SHROOM3: variants seen among roughly 807,000 people sequenced by gnomAD.
SHROOM3 encodes shroom family member 3, also known as protein Shroom3.
A neutral mutation model predicts 138.6 loss-of-function variants in SHROOM3; 47 were observed. The ratio of observed to expected loss-of-function variants is 0.34; its 90% CI spans 0.27 to 0.43. SHROOM3 has a LOEUF of 0.43. Among genes scored for constraint, SHROOM3 ranks in the 20% least tolerant of loss-of-function variants. The pLI, the probability that SHROOM3 is intolerant of heterozygous loss-of-function variation, is 1.00. For missense variants in SHROOM3, 2,491 were observed against 2,596.5 expected (o/e 0.96, Z 0.88); for synonymous variants, 1,062 against 1,063.3 (o/e 1.00, Z 0.02).
intron 2 of SHROOM3, among the ~76,000 whole-genome samples, chr4:76,595,420 C>T (rs1734359884): frequency 6.6e-6 from 1 of 152,110 alleles, no homozygotes; most frequent in African/African-American, 2.4e-5. Flanking sequence ...ATTCTGCCAC[C>T]CTTAGCATGA....
chr4:76,770,857 G>C lies in SHROOM3; in HGVS notation c.5581G>C (p.Val1861Leu). The C allele has an allele frequency of 6.2e-7, 1 of 1,614,254 alleles. No homozygotes were observed. The change falls in exon 10 of 11, where the codon GTC becomes CTC. Residue 1861 changes from valine (V) to leucine (L), a missense_variant. Val to Leu is a conservative substitution (Grantham distance 32). Coordinates refer to ENST00000296043, the MANE Select transcript of SHROOM3 (RefSeq NM_020859.4). Reference sequence around the variant, plus strand: ...GGGGCGTCTAGCCCGTGTTGAGAATGTCCTTAGCGGCCTTGGTGAAGATGC... The same window carrying C: ...GGGGCGTCTAGCCCGTGTTGAGAATCTCCTTAGCGGCCTTGGTGAAGATGC... ...LSGRLARVENVLSGLGEDASN... is the reference protein window; with the variant it reads ...LSGRLARVENLLSGLGEDASN...
intron 2 of SHROOM3, chr4:76,644,484 C>G (rs1227554918): frequency 6.6e-6 from 1 of 151,610 alleles, no homozygotes; most frequent in African/African-American, 2.4e-5. Flanking sequence ...CTCCTGACCT[C>G]AGGTGATCCG....
chr4:76,739,350 G>C lies in SHROOM3; in HGVS notation c.1177G>C (p.Ala393Pro), dbSNP rs200056000. 2 of 1,614,066 alleles carry C rather than the reference G, an allele frequency of 1.2e-6. No individual in the cohort carries two copies. The highest frequency in any genetic ancestry group is 2.2e-5 in the South Asian group (2 of 91,084). Residue 393 changes from alanine to proline, a missense_variant, in exon 5 of 11, where the codon GCA becomes CCA. Ala to Pro is a conservative substitution (Grantham distance 27, BLOSUM62 -1). Coordinates refer to ENST00000296043, the MANE Select transcript of SHROOM3 (RefSeq NM_020859.4). ...PLPPARSDSYAAFRHRERPSS... is the reference protein window; with the variant it reads ...PLPPARSDSYPAFRHRERPSS... Reference sequence around the variant, plus strand: ...GCCTCCAGCTCGGAGTGACAGTTACGCAGCATTTCGGCACCGTGAGCGGCC... The same window carrying C: ...GCCTCCAGCTCGGAGTGACAGTTACCCAGCATTTCGGCACCGTGAGCGGCC...
rs114002543 is a variant in SHROOM3, at chr4:76,732,790, G to A, written c.587+1855G>A. Among the ~76,000 whole-genome samples the A allele has an allele frequency of 2.5e-3, 378 of 152,260 alleles. 2 individuals are homozygous for A. Among genetic ancestry groups the A allele is most frequent in the African/African-American group, 8.6e-3 (356 of 41,544 alleles). On this transcript the variant is annotated intron_variant, in intron 4 of 10. Coordinates refer to ENST00000296043, the MANE Select transcript of SHROOM3 (RefSeq NM_020859.4). ...GGTTTAAATCTCCCCTTACCCCTAC[G>A]GTGTAAGCTTGAGCAAATCATTTAA...
At chr4:76,554,281 T>A (rs1246999641) in intron 1 of SHROOM3, among the ~76,000 whole-genome samples, 2 of 152,248 alleles carry the variant, frequency 1.3e-5, no homozygotes, top group Non-Finnish European at 2.9e-5. Context: ...GTTTCATGGT[T>A]TGATAGCTCA....
chr4:76,732,266 G>A (rs766047852), intron 4 of SHROOM3, among the ~76,000 whole-genome samples: 3 of 152,216 alleles, frequency 2.0e-5, no homozygotes, highest in Non-Finnish European at 4.4e-5. Context: ...GTGCATGTGT[G>A]TTGGGGGGAG....
chr4:76,714,985 G>A (rs934780988), intron 3 of SHROOM3, among the ~76,000 whole-genome samples: 1 of 152,174 alleles, frequency 6.6e-6, no homozygotes, highest in Admixed American at 6.5e-5. Context: ...AGGTAGTGAT[G>A]CCTTGTCCTT....
Position 76,741,997 on chromosome 4 carries a change from A to G in SHROOM3, c.3753+71A>G, listed in dbSNP as rs1263709602. ...CTAGAAGCTTTAGTGGGGCTCCCCAACCCCCCACACTCTCACCCGCTCTCC... is the reference window on the plus strand; with the variant it reads ...CTAGAAGCTTTAGTGGGGCTCCCCAGCCCCCCACACTCTCACCCGCTCTCC... On this transcript the variant is annotated intron_variant, in intron 5 of 10. Coordinates refer to ENST00000296043, the MANE Select transcript of SHROOM3 (RefSeq NM_020859.4). The surrounding 1 kb of genome is among the most constrained non-coding windows in gnomAD (Gnocchi z 6.2). The G allele has an allele frequency of 1.9e-6, 3 of 1,551,248 alleles. No homozygotes were observed. The highest frequency in any genetic ancestry group is 1.4e-5 in the African/African-American group (1 of 73,568).
intron 1 of SHROOM3, among the ~76,000 whole-genome samples, chr4:76,523,856 A>C (rs1732620027): frequency 6.6e-6 from 1 of 152,194 alleles, no homozygotes; most frequent in Non-Finnish European, 1.5e-5. Context: ...TAGTTGGAAC[A>C]AGGGGCGTGT....
At chr4:76,516,416 G>A (rs1179089581) in intron 1 of SHROOM3, among the ~76,000 whole-genome samples, 2 of 151,998 alleles carry the variant, frequency 1.3e-5, no homozygotes, top group Non-Finnish European at 2.9e-5. Flanking sequence ...TGAAGCTATA[G>A]GCAGAGATGC....
At chr4:76,528,967 G>A (rs1375003391) in intron 1 of SHROOM3, among the ~76,000 whole-genome samples, 3 of 152,192 alleles carry the variant, frequency 2.0e-5, no homozygotes, top group Non-Finnish European at 4.4e-5. Context: ...CTTGTGAGGA[G>A]GCCTCCTCTG....
chr4:76,770,006 A>G (rs1441812320), intron 9 of SHROOM3, among the ~76,000 whole-genome samples: 1 of 152,130 alleles, frequency 6.6e-6, no homozygotes, highest in Non-Finnish European at 1.5e-5. Context: ...TCAAATGAGA[A>G]CATGTCTTAA....
chr4:76,724,969 C>T (rs1023964319), intron 3 of SHROOM3, among the ~76,000 whole-genome samples: 3 of 152,150 alleles, frequency 2.0e-5, no homozygotes, highest in South Asian at 2.1e-4. Flanking sequence ...TTCAATTCTT[C>T]GCTTATTTCA....
chr4:76,557,969 T>C, intron 2 of SHROOM3, among the ~76,000 whole-genome samples: 1 of 152,160 alleles, frequency 6.6e-6, no homozygotes, highest in East Asian at 1.9e-4. Context: ...CATGGGGCCA[T>C]TCCTTGTGTC....
At chr4:76,760,677 A>G (rs140180837) in intron 9 of SHROOM3, among the ~76,000 whole-genome samples, 28 of 152,358 alleles carry the variant, frequency 1.8e-4, no homozygotes, top group Non-Finnish European at 3.7e-4. Context: ...CATGGCTAAC[A>G]TGCTGATGCA....
chr4:76,443,252 A>G (rs994901813), intron 1 of SHROOM3, among the ~76,000 whole-genome samples: 4 of 152,238 alleles, frequency 2.6e-5, no homozygotes, highest in Non-Finnish European at 5.9e-5. Flanking sequence ...GCATGCTGAC[A>G]TGCTGTACCA....
chr4:76,487,444 T>G (rs1347966516), intron 1 of SHROOM3, among the ~76,000 whole-genome samples: 2 of 152,228 alleles, frequency 1.3e-5, no homozygotes, highest in Non-Finnish European at 2.9e-5. Flanking sequence ...AAGCTTTTAA[T>G]TCTCTTAGGC....
chr4:76,759,500 C>A (rs1560618642), intron 8 of SHROOM3, 45 bp from the exon 9 acceptor site: 1 of 1,613,046 alleles, frequency 6.2e-7, no homozygotes, highest in Non-Finnish European at 8.5e-7. Context: ...AACAAAGCCT[C>A]TGGCGTGATC....
chr4:76,502,645 G>C (rs564670756), intron 1 of SHROOM3, among the ~76,000 whole-genome samples: 2 of 152,308 alleles, frequency 1.3e-5, no homozygotes, highest in Admixed American at 6.5e-5. Flanking sequence ...AGAGAGATTC[G>C]AAGAACCATT....
Sources: allele counts gnomAD v4.1 joint callset (sites outside exome capture counted in the v4.1 genomes callset), GRCh38; gene constraint gnomAD v4.1.1; non-coding constraint Gnocchi (gnomAD v3.1); transcripts MANE v1.5; gene names NCBI Gene and HGNC (gene_info 2026-07-23, HGNC 2026-07-21).